The following HTT variants were observed in gnomAD, a reference collection of about 807,000 sequenced individuals.
HTT encodes the protein huntingtin, also known as huntington disease protein.
Under a neutral mutation model 362.3 loss-of-function variants are expected in HTT, and 104 were observed. That is an observed-to-expected ratio of 0.29 (90% CI 0.24 to 0.34). HTT has a LOEUF of 0.34. HTT is among the 10% of genes least tolerant of loss of function. The pLI is 1.00. For synonymous variants in HTT, 1,577 were observed against 1,548.7 expected (o/e 1.02, Z -0.43); for missense variants, 3,301 against 3,928.6 (o/e 0.84, Z 4.27).
chr4:3,181,625 G>A (rs1367955745), intron 36 of HTT, among the ~76,000 whole-genome samples: 1 of 152,128 alleles, frequency 6.6e-6, no homozygotes. Context: ...CTCATAAGAA[G>A]CAGCACTTTC....
At chr4:3,114,286 A>G (rs1334977142) in intron 6 of HTT, among the ~76,000 whole-genome samples, 1 of 152,210 alleles carries the variant, frequency 6.6e-6, no homozygotes, top group African/African-American at 2.4e-5. Context: ...CTGTCAACCC[A>G]CAACCTTCCA....
At chr4:3,213,558 C>G (rs1314351896) in intron 49 of HTT, among the ~76,000 whole-genome samples, 1 of 152,240 alleles carries the variant, frequency 6.6e-6, no homozygotes, top group Non-Finnish European at 1.5e-5. Context: ...AGTAGCCATT[C>G]TGGCATTTGA....
intron 6 of HTT, among the ~76,000 whole-genome samples, chr4:3,109,713 T>C (rs1714636849): frequency 6.6e-6 from 1 of 152,206 alleles, no homozygotes; most frequent in Admixed American, 6.5e-5. Flanking sequence ...GCTGTGTTTT[T>C]TGCTCTGGGT....
In HTT at chr4:3,189,077, C is replaced by G. The variant is rs771791509; in HGVS notation, c.5352C>G (p.Ile1784Met). The G allele has an allele frequency of 3.1e-6, 5 of 1,614,052 alleles. No individual in the cohort carries two copies. In the Admixed American group the frequency reaches 8.3e-5, roughly 27 times the overall value. ...TAGGCACACTGCTAATGTGTCTGAT[C>G]CACATCTTCAAGTCTGGTAGGTGAA... is the stretch of plus-strand genomic sequence containing the variant. ...QELGTLLMCL[I>M]HIFKSGMFRR... The change falls in exon 40 of 67, where the codon ATC becomes ATG. Residue 1784 changes from isoleucine to methionine, a missense_variant. Physicochemically the swap from Ile to Met is conservative, Grantham distance 10 (BLOSUM62 1). Coordinates refer to ENST00000355072, the MANE Select transcript of HTT (RefSeq NM_001388492.1).
At chr4:3,189,798 G>A (rs2110250746) in intron 40 of HTT, among the ~76,000 whole-genome samples, 1 of 152,344 alleles carries the variant, frequency 6.6e-6, no homozygotes, top group Non-Finnish European at 1.5e-5. Context: ...GCCAAGGCAG[G>A]AGGATTGCTT....
At chr4:3,079,018 T>C (rs1326083189) in intron 1 of HTT, among the ~76,000 whole-genome samples, 1 of 152,116 alleles carries the variant, frequency 6.6e-6, no homozygotes, top group Non-Finnish European at 1.5e-5. Flanking sequence ...CCCAAAGTGC[T>C]GGGATTACAG....
In HTT at chr4:3,180,657, AGGAAT is replaced by A. The variant is rs772823291; in HGVS notation, c.4749+8_4749+12del. 2 of 1,611,046 alleles carry A rather than the reference AGGAAT, an allele frequency of 1.2e-6. No individual in the cohort carries two copies. The highest frequency in any genetic ancestry group is 1.7e-6 in the Non-Finnish European group (2 of 1,178,762). ...GACTCATCCAGTACCATCAGGTAAG[AGGAAT>A]GTATGTTGGAACTGTCGTGGATACT... On this transcript the variant is annotated splice_region_variant and intron_variant, in intron 36 of 66. Transcript: ENST00000355072.
intron 61 of HTT, 69 bp downstream of exon 61, chr4:3,233,422 C>G: frequency 6.9e-7 from 1 of 1,443,960 alleles, no homozygotes; most frequent in Non-Finnish European, 9.6e-7. Flanking sequence ...CAGCATCACC[C>G]TCTCCAAGTG....
chr4:3,226,241 G>A (rs1720908141), intron 57 of HTT, among the ~76,000 whole-genome samples: 1 of 152,104 alleles, frequency 6.6e-6, no homozygotes, highest in Non-Finnish European at 1.5e-5. Context: ...CCCGTGTGCA[G>A]GCAGACAGCT....
At chr4:3,100,314 C>T (rs1420209218) in intron 3 of HTT, among the ~76,000 whole-genome samples, 1 of 152,202 alleles carries the variant, frequency 6.6e-6, no homozygotes, top group Non-Finnish European at 1.5e-5. Flanking sequence ...TTAATAATGA[C>T]ATCCTTACAC....
intron 10 of HTT, among the ~76,000 whole-genome samples, chr4:3,124,874 T>C (rs1051625231): frequency 5.3e-5 from 8 of 152,236 alleles, no homozygotes; most frequent in African/African-American, 1.9e-4. Context: ...ATTATTTTGA[T>C]AGTGTCATTT....
intron 15 of HTT, 85 bp downstream of exon 15, chr4:3,131,482 C>G: frequency 6.9e-7 from 1 of 1,451,046 alleles, no homozygotes; most frequent in Non-Finnish European, 9.7e-7. Flanking sequence ...GCCTTGCGTG[C>G]AGCAGAGGAA....
At chr4:3,226,512 T>G (rs898750741) in intron 57 of HTT, among the ~76,000 whole-genome samples, 5 of 152,286 alleles carry the variant, frequency 3.3e-5, no homozygotes, top group African/African-American at 9.6e-5. Flanking sequence ...CATTTGCATA[T>G]GATGGCACAT....
intron 2 of HTT, among the ~76,000 whole-genome samples, chr4:3,094,557 C>T (rs1380270582): frequency 6.7e-6 from 1 of 148,372 alleles, no homozygotes; most frequent in Non-Finnish European, 1.5e-5. Context: ...CCCCCACCTC[C>T]CGGACGGGGC....
chr4:3,075,318 G>C (rs1257273137), intron 1 of HTT, among the ~76,000 whole-genome samples: 3 of 152,260 alleles, frequency 2.0e-5, no homozygotes, highest in Non-Finnish European at 4.4e-5. Context: ...TCTCGCGAGG[G>C]GAGGCAGAGC....
intron 26 of HTT, among the ~76,000 whole-genome samples, chr4:3,151,479 A>T (rs1419016199): frequency 6.6e-6 from 1 of 152,158 alleles, no homozygotes; most frequent in African/African-American, 2.4e-5. Flanking sequence ...GTGCTCAACC[A>T]TTAGAAACTA....
chr4:3,078,757 C>T (rs1023693715), intron 1 of HTT, among the ~76,000 whole-genome samples: 8 of 149,240 alleles, frequency 5.4e-5, no homozygotes, highest in South Asian at 4.3e-4. Flanking sequence ...TCCCCCGAGA[C>T]GGAGTCTTGC....
chr4:3,209,173 G>A (rs1043950340), intron 46 of HTT, among the ~76,000 whole-genome samples: 26 of 152,196 alleles, frequency 1.7e-4, no homozygotes, highest in Admixed American at 5.2e-4. Flanking sequence ...GTGGCCTGCA[G>A]GCCCCTGACT....
In HTT at chr4:3,131,335, C is replaced by T. The variant is rs2110188538; in HGVS notation, c.2036C>T (p.Ala679Val). 4 of 1,614,114 alleles carry T rather than the reference C, an allele frequency of 2.5e-6. No homozygotes were observed. In the South Asian group the frequency reaches 4.4e-5, roughly 18 times the overall value. The change falls in exon 15 of 67, where the codon GCA (alanine) becomes GTA (valine). Residue 679 changes from alanine (A) to valine (V), a missense_variant. Physicochemically the swap from Ala to Val is moderately conservative, Grantham distance 64 (BLOSUM62 0). Coordinates refer to ENST00000355072, the MANE Select transcript of HTT (RefSeq NM_001388492.1). ...GGACAGTCCACTGATGATGACTCTG[C>T]ACCTCTTGTCCATTGTGTCCGCCTT... is the stretch of plus-strand genomic sequence containing the variant. ...DIGQSTDDDS[A>V]PLVHCVRLLS...
Sources: allele counts gnomAD v4.1 joint callset (sites outside exome capture counted in the v4.1 genomes callset), GRCh38; gene constraint gnomAD v4.1.1; transcripts MANE v1.5; gene names NCBI Gene and HGNC (gene_info 2026-07-23, HGNC 2026-07-21).